The following VWCE variants were observed in gnomAD, a reference collection of about 807,000 sequenced individuals.
The protein encoded by VWCE is von Willebrand factor C and EGF domain-containing protein.
In VWCE, 68 loss-of-function variants were observed where a neutral mutation model predicts 102.9. The ratio of observed to expected loss-of-function variants is 0.66; its 90% confidence interval spans 0.54 to 0.81. The LOEUF is 0.81. Ranked by LOEUF, VWCE falls within the 30% of genes least tolerant of loss-of-function variation. The probability of loss-of-function intolerance (pLI) is 0.00; values close to 1 mark genes in which losing one functional copy is unlikely to be tolerated. For synonymous variants in VWCE, 497 were observed against 515.4 expected (o/e 0.96, Z 0.48); for missense variants, 1,137 against 1,263.6 (o/e 0.90, Z 1.52).
Position 61,259,180 on chromosome 11 carries a change from G to C in VWCE, c.2363C>G (p.Thr788Arg). 1 of 1,614,218 alleles carries C rather than the reference G, an allele frequency of 6.2e-7. No homozygotes were observed. The highest frequency in any genetic ancestry group is 8.5e-7 in the Non-Finnish European group (1 of 1,180,032). Residue 788 changes from threonine (T) to arginine (R), a missense_variant, in exon 20 of 20, where the codon ACA becomes AGA. Thr to Arg is a moderately conservative substitution (Grantham distance 71, BLOSUM62 -1). Around this residue, in one of 5 missense-constraint regions of VWCE, gnomAD observed 316 missense variants for 319.3 expected, o/e 0.99. Transcript: ENST00000335613. The part of the protein sequence containing the change: ...VNCSSCPGPP[T>R]ASPSRPVLHL... The stretch of plus-strand genomic sequence containing the variant: ...AAGCACCGGCCTCGAGGGTGATGCT[G>C]TCGGGGGCCCAGGACAGGAGCTACA...
rs1854471567 is a variant in VWCE at position 61,265,093 on chromosome 11, TGGCACGTGG to T, written c.2056+20_2056+28del. On this transcript the variant is annotated intron_variant, in intron 17 of 19. Transcript: ENST00000335613. ...GAGAGCCGAGGCCTGGCCGGGAACC[TGGCACGTGG>T]GGCAGCTGGTCCCACTCACCTCGGC... The T allele has an allele frequency of 9.3e-6, 15 of 1,613,490 alleles. No homozygotes were observed. The highest frequency in any genetic ancestry group is 1.2e-5 in the Non-Finnish European group (14 of 1,179,678).
intron 4 of VWCE, among the ~76,000 whole-genome samples, chr11:61,288,869 C>T (rs1404474740): frequency 6.9e-6 from 1 of 145,956 alleles, no homozygotes; most frequent in African/African-American, 2.6e-5. Flanking sequence ...GACGGAATCT[C>T]GCTCTGTCAC....
intron 1 of VWCE, 66 bp from the exon 2 acceptor site, chr11:61,291,642 C>T: frequency 1.5e-5 from 20 of 1,299,352 alleles, no homozygotes; most frequent in Non-Finnish European, 2.0e-5. Flanking sequence ...ACAGGAAAGT[C>T]TCCCAGCCAG....
chr11:61,258,598 C>T lies in VWCE; in HGVS notation c.*77G>A. ...CCCAGGCATCCCCACCAGGTTCATC[C>T]TTGGAGCTGCCCTGCACACACCCTG... On this transcript the variant is annotated 3_prime_UTR_variant, in exon 20 of 20. Coordinates refer to ENST00000335613, the MANE Select transcript of VWCE (RefSeq NM_152718.2). 3 of 1,298,582 alleles carry T rather than the reference C, an allele frequency of 2.3e-6. No individual in the cohort carries two copies. In the South Asian group the frequency reaches 9.9e-5, roughly 43 times the overall value. 80.4% of individuals were successfully genotyped at this position (1,298,582 alleles called of 1,614,324 possible). A position where few individuals can be genotyped will look rare whatever the true frequency, so the allele number is the denominator to read the frequency against.
chr11:61,263,375 GAAATAAGCCAGACACAC>G (rs1854414285), intron 19 of VWCE, among the ~76,000 whole-genome samples: 1 of 151,760 alleles, frequency 6.6e-6, no homozygotes, highest in Non-Finnish European at 1.5e-5. Context: ...TATGCTAAGC[GAAATAAGCCAGACACAC>G]AAAGACAACT....
In VWCE at chr11:61,269,037, TCACCAAGACCC is replaced by T. The variant is rs1854593536; in HGVS notation, c.1786-30_1786-20del. On this transcript the variant is annotated intron_variant, in intron 14 of 19. Coordinates refer to ENST00000335613, the MANE Select transcript of VWCE (RefSeq NM_152718.2). ...CATCTGCCTGGAGGAAGGAGGAACT[TCACCAAGACCC>T]CACCGGTGACACCGGCCCCTGCCTC... 6.2e-7 allele frequency: 1 copy of T among 1,612,246 alleles called. No homozygotes were observed. Among genetic ancestry groups the T allele is most frequent in the Non-Finnish European group, 8.5e-7 (1 of 1,178,814 alleles).
Position 61,273,212 on chromosome 11 carries a change from G to A in VWCE, c.1686C>T (p.Pro562=). ...PGQCCFTCQE[P]TPSTGCSLDD... ...GGACCAGCTCACCTGTCGAGGGTGT[G>A]GGCTCCTGGCAGGTGAAGCAACACT... The change falls in exon 13 of 20, where the codon CCC becomes CCT. Residue 562 remains proline (P), a synonymous_variant. Coordinates refer to ENST00000335613, the MANE Select transcript of VWCE (RefSeq NM_152718.2). 6.2e-7 allele frequency: 1 copy of A among 1,613,932 alleles called. No homozygotes were observed. The highest frequency in any genetic ancestry group is 8.5e-7 in the Non-Finnish European group (1 of 1,179,960).
In VWCE at chr11:61,271,726, C is replaced by T. The variant is rs142750164; in HGVS notation, c.1734G>A (p.Pro578=). 4.3e-6 allele frequency: 7 copies of T among 1,613,628 alleles called. No homozygotes were observed. The East Asian group carries it at 6.7e-5, about 15-fold the overall frequency. The change falls in exon 14 of 20, where the codon CCG becomes CCA. Residue 578 remains proline (P), a synonymous_variant. Coordinates refer to ENST00000335613, the MANE Select transcript of VWCE (RefSeq NM_152718.2). ...CACCAGGCGACCAGATCTGTCCAAT[C>T]GGAAACTCAACCCCGTTGTCGTCAA... The part of the protein sequence containing the change: ...CSLDDNGVEF[P]IGQIWSPGDP...
chr11:61,282,034 C>T, intron 6 of VWCE, 120 bp from the exon 7 acceptor site: 1 of 1,444,450 alleles, frequency 6.9e-7, no homozygotes, highest in South Asian at 1.5e-5. Flanking sequence ...AGGGTCCATG[C>T]CTGCCCCGAG....
At chr11:61,288,671 G>A (rs751514802) in intron 4 of VWCE, among the ~76,000 whole-genome samples, 1 of 152,174 alleles carries the variant, frequency 6.6e-6, no homozygotes, top group Non-Finnish European at 1.5e-5. Context: ...AATGTCCCAA[G>A]GTGAAAGGCA....
chr11:61,277,910 C>T (rs973875195), intron 10 of VWCE, among the ~76,000 whole-genome samples: 1 of 152,160 alleles, frequency 6.6e-6, no homozygotes, highest in Non-Finnish European at 1.5e-5. Flanking sequence ...GCGATCTCAG[C>T]TCACTGCAAC....
chr11:61,292,964 G>A (rs1171860105), intron 1 of VWCE, among the ~76,000 whole-genome samples: 11 of 151,932 alleles, frequency 7.2e-5, no homozygotes, highest in Admixed American at 4.6e-4. Context: ...AATACAGGCC[G>A]GGCGCGGTGG....
Position 61,291,283 on chromosome 11 carries a change from C to T in VWCE, c.276G>A (p.Glu92=), listed in dbSNP as rs778308634. Residue 92 remains glutamate (E), a synonymous_variant, in exon 3 of 20, where the codon GAG becomes GAA. Coordinates refer to ENST00000335613, the MANE Select transcript of VWCE (RefSeq NM_152718.2). ...AGTTACCTGGGCAGGTGGCCCCTTGCTCTCCATCCTGGCAGGAGCAGACAT... is the reference window on the plus strand; with the variant it reads ...AGTTACCTGGGCAGGTGGCCCCTTGTTCTCCATCCTGGCAGGAGCAGACAT... The part of the protein sequence containing the change: ...APNVCSCQDG[E]QGATCPETHG... 5 of 1,593,862 alleles carry T rather than the reference C, an allele frequency of 3.1e-6. No individual in the cohort carries two copies. In the South Asian group the frequency reaches 4.6e-5, roughly 15 times the overall value.
Position 61,290,918 on chromosome 11 carries a change from C to A in VWCE, c.305G>T (p.Gly102Val). ...EQGATCPETHGPCGEYGCDLT... is the reference protein window; with the variant it reads ...EQGATCPETHVPCGEYGCDLT... ...GTCACAGCCGTACTCCCCACATGGT[C>A]CATGGGTTTCTAGAGCAGGCATCAC... The change falls in exon 4 of 20, where the codon GGA (glycine) becomes GTA (valine). Residue 102 changes from glycine (G) to valine (V), a missense_variant. Transcript: ENST00000335613. 6.2e-7 allele frequency: 1 copy of A among 1,613,504 alleles called. No individual in the cohort carries two copies. Among genetic ancestry groups the A allele is most frequent in the South Asian group, 1.1e-5 (1 of 91,074 alleles).
At chr11:61,267,329 G>C in intron 16 of VWCE, 133 bp downstream of exon 16, 1 of 885,406 alleles carries the variant, frequency 1.1e-6, no homozygotes, top group Non-Finnish European at 1.8e-6. Context: ...GGACTGGAGG[G>C]AGCTGACTTC....
intron 10 of VWCE, 103 bp from the exon 11 acceptor site, chr11:61,276,783 G>T: frequency 1.3e-6 from 1 of 741,882 alleles, no homozygotes; most frequent in Non-Finnish European, 1.9e-6. Flanking sequence ...CCTAAAGGAG[G>T]CCACAAGAAA....
intron 5 of VWCE, among the ~76,000 whole-genome samples, chr11:61,285,647 C>T (rs1227495870): frequency 6.6e-6 from 1 of 152,168 alleles, no homozygotes; most frequent in Admixed American, 6.5e-5. Flanking sequence ...TCTCCCGGCC[C>T]TCCCTCATCT....
chr11:61,263,627 T>C (rs1854421404), intron 19 of VWCE, among the ~76,000 whole-genome samples: 2 of 152,120 alleles, frequency 1.3e-5, no homozygotes, highest in South Asian at 4.1e-4. Context: ...TGGCGTCAGT[T>C]CTTGGGAATC....
intron 19 of VWCE, among the ~76,000 whole-genome samples, chr11:61,260,391 G>A (rs1043316716): frequency 2.0e-5 from 3 of 152,182 alleles, no homozygotes; most frequent in South Asian, 2.1e-4. Context: ...CTCCCATCTC[G>A]GCTGTCCTAC....
Sources: allele counts gnomAD v4.1 joint callset (sites outside exome capture counted in the v4.1 genomes callset), GRCh38; gene constraint gnomAD v4.1.1; regional missense constraint gnomAD v4.1.1; transcripts MANE v1.5; gene names NCBI Gene and HGNC (gene_info 2026-07-23, HGNC 2026-07-21).